The following OR9Q1 variants were observed in gnomAD, a reference collection of about 807,000 sequenced individuals.
OR9Q1 encodes the protein olfactory receptor family 9 subfamily Q member 1.
For synonymous variants in OR9Q1, 153 were observed against 148.6 expected (o/e 1.03, Z -0.22); for missense variants, 374 against 378.8 (o/e 0.99, Z 0.11).
At chr11:58,150,405 G>A (rs1324117609) in intron 2 of OR9Q1, among the ~76,000 whole-genome samples, 1 of 152,100 alleles carries the variant, frequency 6.6e-6, no homozygotes. Context: ...CCCAACCACT[G>A]GGCAATATGA....
At chr11:58,091,233 G>A (rs553119955) in intron 2 of OR9Q1, among the ~76,000 whole-genome samples, 1 of 152,134 alleles carries the variant, frequency 6.6e-6, no homozygotes, top group Non-Finnish European at 1.5e-5. Context: ...TAATCGTGAT[G>A]TTAGGCTATT....
In OR9Q1 at chr11:58,055,907, A is replaced by C. The variant is rs1853323257; in HGVS notation, c.-55A>C. On this transcript the variant is annotated 5_prime_UTR_variant, in exon 2 of 3. The change abolishes an upstream ATG in the 5' untranslated region. Coordinates refer to ENST00000335397, the MANE Select transcript of OR9Q1 (RefSeq NM_001005212.4). Reference sequence around the variant, plus strand: ...CAAGAAGACCCTTACCAGACACTGCATGCTGGTGCCTTGATCTTGGACTTC... The same window carrying C: ...CAAGAAGACCCTTACCAGACACTGCCTGCTGGTGCCTTGATCTTGGACTTC... 1 of 153,194 alleles carries C rather than the reference A, an allele frequency of 6.5e-6. No homozygotes were observed. Among genetic ancestry groups the C allele is most frequent in the South Asian group, 2.1e-4 (1 of 4,850 alleles). The allele number at this position is 153,194 out of a possible 1,614,324, so 9.5% of individuals were successfully genotyped here.
chr11:58,104,108 C>T (rs61904055), intron 2 of OR9Q1, among the ~76,000 whole-genome samples: 26,061 of 152,124 alleles, frequency 0.17, 2,353 homozygotes, highest in Non-Finnish European at 0.21. Flanking sequence ...TAATCAGAAT[C>T]CTTCTCTGGG....
intron 2 of OR9Q1, among the ~76,000 whole-genome samples, chr11:58,163,970 T>C (rs79971017): frequency 8.5e-5 from 13 of 152,318 alleles, no homozygotes; most frequent in African/African-American, 3.1e-4. Context: ...TCTCTTTTCC[T>C]ACATGAAAGG....
At chr11:58,119,824 T>A (rs1034471212) in intron 2 of OR9Q1, among the ~76,000 whole-genome samples, 4 of 152,142 alleles carry the variant, frequency 2.6e-5, no homozygotes, top group African/African-American at 9.7e-5. Flanking sequence ...TGAGCCTCCA[T>A]CTGCAAACAG....
chr11:58,084,048 C>T (rs1381068908), intron 2 of OR9Q1, among the ~76,000 whole-genome samples: 1 of 151,864 alleles, frequency 6.6e-6, no homozygotes, highest in African/African-American at 2.4e-5. Flanking sequence ...TCGCTTTGGG[C>T]TGTATGGCCA....
intron 2 of OR9Q1, among the ~76,000 whole-genome samples, chr11:58,173,226 A>G (rs192343691): frequency 1.7e-4 from 26 of 151,462 alleles, no homozygotes; most frequent in Admixed American, 4.6e-4. Flanking sequence ...ATGTTGGTGT[A>G]CTGCACCCAT....
At chr11:58,080,779 C>T (rs114627965) in intron 2 of OR9Q1, among the ~76,000 whole-genome samples, 377 of 152,134 alleles carry the variant, frequency 2.5e-3, no homozygotes, top group African/African-American at 8.7e-3. Context: ...GTTGACTGCT[C>T]GTATGTGTCC....
chr11:58,109,494 G>C (rs1417276799), intron 2 of OR9Q1: 1 of 462,494 alleles, frequency 2.2e-6, no homozygotes, highest in Non-Finnish European at 4.4e-6. Flanking sequence ...ACACGGGGGT[G>C]TGGAGTTGGG....
At chr11:58,139,930 T>A (rs1037746359) in intron 2 of OR9Q1, among the ~76,000 whole-genome samples, 3 of 151,190 alleles carry the variant, frequency 2.0e-5, no homozygotes, top group Admixed American at 6.6e-5. Context: ...TTTCTCCACA[T>A]CCTCTCCAGC....
intron 1 of OR9Q1, among the ~76,000 whole-genome samples, chr11:58,048,133 C>T (rs1028844660): frequency 6.6e-6 from 1 of 152,102 alleles, no homozygotes; most frequent in African/African-American, 2.4e-5. Context: ...GGAACCTATC[C>T]AGTTTTTTAC....
intron 2 of OR9Q1, among the ~76,000 whole-genome samples, chr11:58,144,327 A>C (rs917113052): frequency 3.3e-5 from 5 of 151,980 alleles, no homozygotes; most frequent in African/African-American, 1.2e-4. Context: ...TGGTCTCCAG[A>C]TTCATCCATG....
At chr11:58,175,612 TAG>T (rs1332061556) in intron 2 of OR9Q1, among the ~76,000 whole-genome samples, 2 of 152,160 alleles carry the variant, frequency 1.3e-5, no homozygotes, top group Non-Finnish European at 2.9e-5. Context: ...TGTTATCTTA[TAG>T]AATGGATAAG....
intron 1 of OR9Q1, chr11:58,047,446 G>A (rs1204698361): frequency 1.3e-5 from 2 of 152,212 alleles, no homozygotes; most frequent in Non-Finnish European, 2.9e-5. Context: ...GAACATAGAT[G>A]TTTTTAATGT....
chr11:58,173,410 G>A (rs528260138), intron 2 of OR9Q1, among the ~76,000 whole-genome samples: 2 of 151,224 alleles, frequency 1.3e-5, no homozygotes, highest in South Asian at 4.2e-4. Flanking sequence ...CCTTGTGATA[G>A]TTTGCTGAGA....
At chr11:58,162,978 A>G (rs1245191912) in intron 2 of OR9Q1, among the ~76,000 whole-genome samples, 1 of 152,196 alleles carries the variant, frequency 6.6e-6, no homozygotes, top group East Asian at 1.9e-4. Flanking sequence ...ATGGGGTGGA[A>G]AGAAAGTGAG....
At chr11:58,158,421 C>CTTT (rs10600970) in intron 2 of OR9Q1, among the ~76,000 whole-genome samples, 13 of 133,732 alleles carry the variant, frequency 9.7e-5, no homozygotes, top group African/African-American at 3.3e-4. Flanking sequence ...CCTAGGTCTG[C>CTTT]TTTTTTTTTT....
chr11:58,035,135 T>A (rs1853088593), intron 1 of OR9Q1, among the ~76,000 whole-genome samples: 1 of 152,132 alleles, frequency 6.6e-6, no homozygotes, highest in South Asian at 2.1e-4. Context: ...TGATTAGATG[T>A]AGCAGTCATC....
intron 1 of OR9Q1, among the ~76,000 whole-genome samples, chr11:58,035,236 G>T (rs896553402): frequency 1.3e-5 from 2 of 148,516 alleles, no homozygotes; most frequent in Admixed American, 1.4e-4. Context: ...GTAGCCAGAT[G>T]CCCAGTCACC....
Sources: allele counts gnomAD v4.1 joint callset (sites outside exome capture counted in the v4.1 genomes callset), GRCh38; gene constraint gnomAD v4.1.1; transcripts MANE v1.5; gene names NCBI Gene and HGNC (gene_info 2026-07-23, HGNC 2026-07-21).